The following PYHIN1 variants were observed in gnomAD, a reference collection of about 807,000 sequenced individuals.
The protein encoded by PYHIN1 is pyrin and HIN domain family member 1.
Under a neutral mutation model 43.7 loss-of-function variants are expected in PYHIN1, and 32 were observed. That is an observed-to-expected ratio of 0.73 (90% CI 0.55 to 0.98). The LOEUF is 0.98. Among genes scored for constraint, PYHIN1 ranks in the 50% least tolerant of loss-of-function variants. PYHIN1 has a pLI of 0.00. For synonymous variants in PYHIN1, 205 were observed against 203.1 expected (o/e 1.01, Z -0.08); for missense variants, 588 against 589.5 (o/e 1.00, Z 0.03).
chr1:158,982,394 G>A, the PYHIN1 span, among the ~76,000 whole-genome samples: 5 of 152,232 alleles, frequency 3.3e-5, no homozygotes, highest in South Asian at 8.3e-4. Flanking sequence ...TTGTTGAATA[G>A]GAAGTACTGT....
At chr1:158,936,185 T>C (rs1179418033) in intron 1 of PYHIN1, among the ~76,000 whole-genome samples, 14 of 148,006 alleles carry the variant, frequency 9.5e-5, no homozygotes, top group Middle Eastern at 3.4e-3. Context: ...GCATTAGGTA[T>C]ATCACCTAAT....
chr1:158,962,569 T>A (rs1198048637), intron 7 of PYHIN1, among the ~76,000 whole-genome samples: 6 of 152,210 alleles, frequency 3.9e-5, no homozygotes, highest in Admixed American at 2.0e-4. Context: ...GCTTTGCATT[T>A]GTCTCAGGAG....
At chr1:158,964,097 A>T (rs1009666871) in intron 7 of PYHIN1, among the ~76,000 whole-genome samples, 1 of 152,234 alleles carries the variant, frequency 6.6e-6, no homozygotes, top group Non-Finnish European at 1.5e-5. Context: ...ATGCAATTGC[A>T]TGTATTAAGA....
Position 158,936,894 on chromosome 1 carries a change from C to A in PYHIN1, c.-17C>A, listed in dbSNP as rs200757117. 4.5e-6 allele frequency: 7 copies of A among 1,546,938 alleles called. No individual in the cohort carries two copies. The highest frequency in any genetic ancestry group is 1.7e-4 in the Middle Eastern group (1 of 5,762). Reference sequence around the variant, plus strand: ...ATATACCATTTTTCTCTTGCAGGCTCACTTATATCTTTAGAGATGGCAAAT... The same window carrying A: ...ATATACCATTTTTCTCTTGCAGGCTAACTTATATCTTTAGAGATGGCAAAT... On this transcript the variant is annotated 5_prime_UTR_variant, in exon 2 of 9. Coordinates refer to ENST00000368140, the MANE Select transcript of PYHIN1 (RefSeq NM_152501.5).
At chr1:158,953,809 T>C (rs368215518) in intron 7 of PYHIN1, among the ~76,000 whole-genome samples, 2 of 152,006 alleles carry the variant, frequency 1.3e-5, no homozygotes, top group Admixed American at 6.6e-5. Flanking sequence ...CTCTGAGCTA[T>C]GGGAGGACAT....
the PYHIN1 span, among the ~76,000 whole-genome samples, chr1:158,987,724 TAATG>T: frequency 1.3e-5 from 2 of 152,174 alleles, no homozygotes; most frequent in Non-Finnish European, 2.9e-5. Context: ...TGATATGAAA[TAATG>T]AATCCAGTTT....
chr1:158,938,382 T>G lies in PYHIN1; in HGVS notation c.266-15T>G, dbSNP rs531466227. 1.9e-6 allele frequency: 3 copies of G among 1,613,750 alleles called. No individual in the cohort carries two copies. Among genetic ancestry groups the G allele is most frequent in the African/African-American group, 1.3e-5 (1 of 75,054 alleles). ...TCTGCTCTGGGTTTATACATCTTCC[T>G]TTTTTCTGCATTAGTTGCAAATAAA... On this transcript the variant is annotated splice_polypyrimidine_tract_variant and intron_variant, in intron 2 of 8. Transcript: ENST00000368140.
intron 7 of PYHIN1, among the ~76,000 whole-genome samples, chr1:158,951,393 AG>A (rs1373881892): frequency 2.6e-5 from 4 of 152,182 alleles, no homozygotes; most frequent in Admixed American, 6.5e-5. Flanking sequence ...GGCGGGCTCC[AG>A]AGTGGACTTA....
intron 7 of PYHIN1, among the ~76,000 whole-genome samples, chr1:158,966,159 T>C (rs1375539330): frequency 6.6e-6 from 1 of 152,092 alleles, no homozygotes; most frequent in Non-Finnish European, 1.5e-5. Context: ...ACATACAACC[T>C]CTGAAGACTA....
chr1:158,979,787 C>G (rs1342056219), downstream of PYHIN1, among the ~76,000 whole-genome samples: 1 of 152,104 alleles, frequency 6.6e-6, no homozygotes, highest in African/African-American at 2.4e-5. Flanking sequence ...TACATCAATA[C>G]ATTACATGTT....
chr1:158,968,636 C>T (rs1650767253), intron 7 of PYHIN1, among the ~76,000 whole-genome samples: 1 of 152,092 alleles, frequency 6.6e-6, no homozygotes, highest in Admixed American at 6.6e-5. Context: ...CACAAAGACA[C>T]ATGCATGCAT....
intron 4 of PYHIN1, chr1:158,939,727 A>G: frequency 3.5e-6 from 2 of 569,548 alleles, no homozygotes; most frequent in Middle Eastern, 2.7e-4. Context: ...CCCCTGTAAC[A>G]GGTTAAATCT....
chr1:158,940,952 T>C (rs1326074504), intron 4 of PYHIN1, among the ~76,000 whole-genome samples: 4 of 152,230 alleles, frequency 2.6e-5, no homozygotes, highest in Admixed American at 6.5e-5. Context: ...GCAGGTCTTG[T>C]ATTCATGTGG....
intron 7 of PYHIN1, 100 bp downstream of exon 7, chr1:158,945,142 C>T (rs1484064986): frequency 8.4e-7 from 1 of 1,193,368 alleles, no homozygotes; most frequent in African/African-American, 1.5e-5. Context: ...TAACTGTGTA[C>T]AATCTCTAGA....
chr1:158,987,383 G>A, the PYHIN1 span, among the ~76,000 whole-genome samples: 1 of 152,084 alleles, frequency 6.6e-6, no homozygotes, highest in Non-Finnish European at 1.5e-5. Context: ...CCTATTCAGA[G>A]TCTTTGCCTA....
intron 7 of PYHIN1, among the ~76,000 whole-genome samples, chr1:158,972,858 C>T (rs932347094): frequency 6.6e-6 from 1 of 152,052 alleles, no homozygotes; most frequent in African/African-American, 2.4e-5. Flanking sequence ...ATACTTGTCA[C>T]CACAGTAATT....
Position 158,943,883 on chromosome 1 carries a change from T to G in PYHIN1, c.1096T>G (p.Cys366Gly). The G allele has an allele frequency of 6.2e-7, 1 of 1,610,690 alleles. No homozygotes were observed. The highest frequency in any genetic ancestry group is 8.5e-7 in the Non-Finnish European group (1 of 1,177,608). ...VGKGECHNIP[C>G]EKGDKLRLFC... ...AAAAGGAGAATGCCACAATATCCCCTGTGAAAAAGGAGATAAGCTTCGACT... is the reference window on the plus strand; with the variant it reads ...AAAAGGAGAATGCCACAATATCCCCGGTGAAAAAGGAGATAAGCTTCGACT... The change falls in exon 6 of 9, where the codon TGT becomes GGT. Residue 366 changes from cysteine to glycine, a missense_variant. Cys to Gly is a radical substitution (Grantham distance 159). Coordinates refer to ENST00000368140, the MANE Select transcript of PYHIN1 (RefSeq NM_152501.5).
At chr1:158,950,214 A>G (rs1329886705) in intron 7 of PYHIN1, among the ~76,000 whole-genome samples, 2 of 152,204 alleles carry the variant, frequency 1.3e-5, no homozygotes, top group African/African-American at 4.8e-5. Flanking sequence ...CGAGAGCATA[A>G]AAAAGGAACA....
At chr1:158,949,743 T>C (rs952409273) in intron 7 of PYHIN1, among the ~76,000 whole-genome samples, 1 of 152,140 alleles carries the variant, frequency 6.6e-6, no homozygotes, top group Non-Finnish European at 1.5e-5. Context: ...TAGTATTCCA[T>C]GGTGTATATG....
Sources: allele counts gnomAD v4.1 joint callset (sites outside exome capture counted in the v4.1 genomes callset), GRCh38; gene constraint gnomAD v4.1.1; transcripts MANE v1.5; gene names NCBI Gene and HGNC (gene_info 2026-07-23, HGNC 2026-07-21).